SH3GL2: variants seen among roughly 807,000 people sequenced by gnomAD.
SH3GL2 encodes SH3 domain containing GRB2 like 2, endophilin A1, also known as endophilin-A1.
In SH3GL2, 24 loss-of-function variants were observed where a neutral mutation model predicts 46.0. That is an observed-to-expected ratio of 0.52 (90% CI 0.38 to 0.73). SH3GL2 has a LOEUF of 0.73. Ranked by LOEUF, SH3GL2 falls within the 30% of genes least tolerant of loss-of-function variation. The pLI is 0.00. For synonymous variants in SH3GL2, 196 were observed against 147.1 expected, an observed-to-expected ratio of 1.33 and a Z score of -2.40; for missense variants, 413 against 424.2, an observed-to-expected ratio of 0.97 and a Z score of 0.23.
chr9:17,734,123 A>G (rs965252172), intron 1 of SH3GL2, among the ~76,000 whole-genome samples: 3 of 152,126 alleles, frequency 2.0e-5, no homozygotes, highest in Non-Finnish European at 4.4e-5. Context: ...TCACTCCATA[A>G]CAGGTGCCCG....
intron 3 of SH3GL2, among the ~76,000 whole-genome samples, chr9:17,781,905 A>G (rs558861739): frequency 2.6e-4 from 39 of 151,978 alleles, no homozygotes; most frequent in Non-Finnish European, 4.7e-4. Flanking sequence ...AAATATTAAT[A>G]CATTACAGCC....
chr9:17,610,853 G>A (rs936998315), intron 1 of SH3GL2, among the ~76,000 whole-genome samples: 10 of 152,184 alleles, frequency 6.6e-5, no homozygotes, highest in South Asian at 2.1e-4. Flanking sequence ...GTTATGGGAC[G>A]CTTTTTTGGT....
intron 1 of SH3GL2, among the ~76,000 whole-genome samples, chr9:17,685,991 C>G (rs1820898267): frequency 6.9e-6 from 1 of 145,034 alleles, no homozygotes; most frequent in Non-Finnish European, 1.5e-5. Flanking sequence ...AAACTACCAT[C>G]AGAGTGAACA....
chr9:17,751,614 A>G (rs1430199837), intron 2 of SH3GL2, among the ~76,000 whole-genome samples: 4 of 152,156 alleles, frequency 2.6e-5, no homozygotes, highest in Admixed American at 2.6e-4. Context: ...CCCTCCCATC[A>G]TGTGAGGCAC....
At chr9:17,663,431 TTC>T (rs1328763253) in intron 1 of SH3GL2, among the ~76,000 whole-genome samples, 2 of 152,220 alleles carry the variant, frequency 1.3e-5, no homozygotes, top group Admixed American at 1.3e-4. Context: ...CCATTATGCA[TTC>T]TGTTAGACTG....
At chr9:17,652,610 A>G (rs967312987) in intron 1 of SH3GL2, among the ~76,000 whole-genome samples, 4 of 152,182 alleles carry the variant, frequency 2.6e-5, no homozygotes, top group African/African-American at 4.8e-5. Context: ...TATATTATAT[A>G]GAGTGAGTAT....
chr9:17,748,227 G>A lies in SH3GL2; in HGVS notation c.114+1093G>A, dbSNP rs1042488110. Among the ~76,000 whole-genome samples, 3 of 152,144 alleles carry A rather than the reference G, an allele frequency of 2.0e-5. No homozygotes were observed. The South Asian group carries it at 6.2e-4, about 32-fold the overall frequency. On this transcript the variant is annotated intron_variant, in intron 2 of 8. Coordinates refer to ENST00000380607, the MANE Select transcript of SH3GL2 (RefSeq NM_003026.5). ...TATTTAGGCTTATGATTAAAAGTGTGTGTTACATTGTGCACAGAAACATTT... is the reference window on the plus strand; with the variant it reads ...TATTTAGGCTTATGATTAAAAGTGTATGTTACATTGTGCACAGAAACATTT...
At chr9:17,724,467 T>A (rs1247799961) in intron 1 of SH3GL2, among the ~76,000 whole-genome samples, 1 of 152,166 alleles carries the variant, frequency 6.6e-6, no homozygotes, top group Non-Finnish European at 1.5e-5. Context: ...CCATATCTGC[T>A]AATTCCAACA....
rs374845955 is a variant in SH3GL2, at chr9:17,752,570, T to A, written c.114+5436T>A. Among the ~76,000 whole-genome samples the A allele has an allele frequency of 7.9e-5, 12 of 152,240 alleles. No individual in the cohort carries two copies. The East Asian group carries it at 2.1e-3, about 27-fold the overall frequency. On this transcript the variant is annotated intron_variant, in intron 2 of 8. Coordinates refer to ENST00000380607, the MANE Select transcript of SH3GL2 (RefSeq NM_003026.5). ...TGGAGTGTAGTAGCTCAGTCATAGC[T>A]CACTATCACCTCAAACTTCTGGGCT...
At chr9:17,644,614 T>G (rs1461560213) in intron 1 of SH3GL2, among the ~76,000 whole-genome samples, 3 of 152,234 alleles carry the variant, frequency 2.0e-5, no homozygotes, top group East Asian at 3.8e-4. Flanking sequence ...TTGTTCAGTT[T>G]TCATGTAGTC....
chr9:17,698,793 G>T (rs896145806), intron 1 of SH3GL2, among the ~76,000 whole-genome samples: 2 of 152,136 alleles, frequency 1.3e-5, no homozygotes, highest in African/African-American at 4.8e-5. Context: ...AGGGAAGTAA[G>T]GTGTTTATTC....
chr9:17,628,414 GTGTGTGTGTGT>G (rs1819337330), intron 1 of SH3GL2, among the ~76,000 whole-genome samples: 651 of 35,136 alleles, frequency 0.019, 6 homozygotes, highest in African/African-American at 0.041. Flanking sequence ...TATCTTGGGT[GTGTGTGTGTGT>G]GTGTGTGTGT....
chr9:17,615,955 A>T (rs1209203793), intron 1 of SH3GL2, among the ~76,000 whole-genome samples: 2 of 152,068 alleles, frequency 1.3e-5, no homozygotes, highest in Non-Finnish European at 2.9e-5. Flanking sequence ...TGTGAATGAG[A>T]AAGTTAAAAT....
At chr9:17,628,579 A>G (rs1175248123) in intron 1 of SH3GL2, among the ~76,000 whole-genome samples, 3 of 152,166 alleles carry the variant, frequency 2.0e-5, no homozygotes, top group African/African-American at 7.2e-5. Context: ...AGTAGAGTTA[A>G]CAGCATACAT....
At chr9:17,631,324 G>T (rs555360235) in intron 1 of SH3GL2, among the ~76,000 whole-genome samples, 1 of 152,260 alleles carries the variant, frequency 6.6e-6, no homozygotes, top group South Asian at 2.1e-4. Flanking sequence ...TTCATAGCAT[G>T]TAGTTAAAAT....
At chr9:17,653,799 T>C (rs1820007937) in intron 1 of SH3GL2, 2 of 777,712 alleles carry the variant, frequency 2.6e-6, no homozygotes, top group African/African-American at 1.9e-5. Context: ...GGTGGCTGAA[T>C]TGGGCTAGTC....
intron 3 of SH3GL2, among the ~76,000 whole-genome samples, chr9:17,776,210 G>A (rs1265354876): frequency 6.6e-6 from 1 of 152,074 alleles, no homozygotes; most frequent in Non-Finnish European, 1.5e-5. Context: ...CACAGAGTCT[G>A]CTGGTTTCCA....
chr9:17,705,060 C>A (rs2147732), intron 1 of SH3GL2, among the ~76,000 whole-genome samples: 16,785 of 150,892 alleles, frequency 0.11, 1,015 homozygotes, highest in East Asian at 0.21. Flanking sequence ...CAAAAAAAAA[C>A]CCCATTAAAA....
chr9:17,766,229 G>A (rs550216607), intron 3 of SH3GL2, among the ~76,000 whole-genome samples: 31 of 152,320 alleles, frequency 2.0e-4, no homozygotes, highest in African/African-American at 7.5e-4. Flanking sequence ...CGGGATCACA[G>A]GCTTAAACGT....
Sources: gnomAD v4.1 joint callset for allele counts (sites outside exome capture counted in the v4.1 genomes callset) on GRCh38, gnomAD v4.1.1 for gene constraint, MANE v1.5 for transcripts, NCBI Gene and HGNC (gene_info 2026-07-23, HGNC 2026-07-21) for gene names.